The following ST8SIA2 variants were observed in gnomAD, a reference collection of about 807,000 sequenced individuals.
ST8SIA2 encodes alpha-2,8-sialyltransferase 8B.
A neutral mutation model predicts 37.6 loss-of-function variants in ST8SIA2; 22 were observed. That is an observed-to-expected ratio of 0.58 (90% CI 0.42 to 0.83). The LOEUF is 0.83. Ranked by LOEUF, ST8SIA2 falls within the 40% of genes least tolerant of loss-of-function variation. ST8SIA2 has a pLI of 0.00. For synonymous variants in ST8SIA2, 205 were observed against 201.2 expected (o/e 1.02, Z -0.16); for missense variants, 382 against 484.7 (o/e 0.79, Z 1.99).
At chr15:92,445,228 A>C in intron 5 of ST8SIA2, 4 of 499,240 alleles carry the variant, frequency 8.0e-6, no homozygotes, top group Non-Finnish European at 1.5e-5. Context: ...GACGCCATGA[A>C]CATGGGAGGA....
intron 1 of ST8SIA2, among the ~76,000 whole-genome samples, chr15:92,402,800 C>G (rs1203696910): frequency 6.6e-6 from 1 of 152,138 alleles, no homozygotes; most frequent in Non-Finnish European, 1.5e-5. Flanking sequence ...CGCACGGAGT[C>G]TCATCAGAAT....
intron 4 of ST8SIA2, among the ~76,000 whole-genome samples, chr15:92,439,845 A>G (rs1013315324): frequency 6.6e-6 from 1 of 151,886 alleles, no homozygotes; most frequent in Non-Finnish European, 1.5e-5. Context: ...CTTGGAAGCC[A>G]GAGAAGGAGT....
At chr15:92,426,603 T>C (rs950696181) in intron 1 of ST8SIA2, among the ~76,000 whole-genome samples, 3 of 152,182 alleles carry the variant, frequency 2.0e-5, no homozygotes, top group East Asian at 1.9e-4. Flanking sequence ...AGGCATTTGG[T>C]CTCCTCCAAG....
intron 1 of ST8SIA2, among the ~76,000 whole-genome samples, chr15:92,397,795 T>C (rs540473430): frequency 1.3e-5 from 2 of 152,274 alleles, no homozygotes; most frequent in East Asian, 3.9e-4. Context: ...TTTTCCTGAG[T>C]CTGGCACAGT....
At chr15:92,459,113 T>G (rs2049940264) in intron 5 of ST8SIA2, among the ~76,000 whole-genome samples, 1 of 152,196 alleles carries the variant, frequency 6.6e-6, no homozygotes, top group Non-Finnish European at 1.5e-5. Context: ...CATCGCTGAT[T>G]CGATTCCTCT....
At chr15:92,450,809 C>A (rs891886207) in intron 5 of ST8SIA2, among the ~76,000 whole-genome samples, 1 of 152,208 alleles carries the variant, frequency 6.6e-6, no homozygotes. Context: ...AATGAGATAT[C>A]ACTTCATACC....
At chr15:92,448,873 C>A (rs1205011836) in intron 5 of ST8SIA2, among the ~76,000 whole-genome samples, 2 of 151,844 alleles carry the variant, frequency 1.3e-5, no homozygotes, top group African/African-American at 4.8e-5. Flanking sequence ...CTGCAGTTTG[C>A]AAAATAATCT....
chr15:92,402,366 G>T (rs1454518924), intron 1 of ST8SIA2, among the ~76,000 whole-genome samples: 1 of 152,178 alleles, frequency 6.6e-6, no homozygotes, highest in Non-Finnish European at 1.5e-5. Context: ...AGTCTGAGGA[G>T]GTCTATGTTA....
intron 2 of ST8SIA2, among the ~76,000 whole-genome samples, chr15:92,433,212 G>A (rs1390562129): frequency 6.6e-6 from 1 of 152,096 alleles, no homozygotes; most frequent in African/African-American, 2.4e-5. Context: ...TAACTTGGCT[G>A]TTTCAAGATA....
chr15:92,446,930 C>T (rs1466656549), intron 5 of ST8SIA2, among the ~76,000 whole-genome samples: 1 of 152,054 alleles, frequency 6.6e-6, no homozygotes, highest in Non-Finnish European at 1.5e-5. Context: ...TGCCAGAATG[C>T]ACATATGTTT....
intron 4 of ST8SIA2, among the ~76,000 whole-genome samples, chr15:92,438,846 G>A (rs12441748): frequency 0.32 from 47,948 of 152,106 alleles, 9,134 homozygotes; most frequent in East Asian, 0.65. Flanking sequence ...GCAGGGGTGC[G>A]GGCAACCCAG....
At chr15:92,404,867 C>G (rs1415565840) in intron 1 of ST8SIA2, among the ~76,000 whole-genome samples, 3 of 151,170 alleles carry the variant, frequency 2.0e-5, no homozygotes, top group Non-Finnish European at 4.4e-5. Context: ...AACAGGGACT[C>G]AAACAGATAT....
chr15:92,453,412 G>C, intron 5 of ST8SIA2, among the ~76,000 whole-genome samples: 1 of 152,176 alleles, frequency 6.6e-6, no homozygotes, highest in East Asian at 1.9e-4. Flanking sequence ...CTCAGAATTA[G>C]AACCAACTCA....
intron 4 of ST8SIA2, among the ~76,000 whole-genome samples, chr15:92,441,218 A>C (rs1330135292): frequency 6.6e-6 from 1 of 152,188 alleles, no homozygotes; most frequent in Non-Finnish European, 1.5e-5. Flanking sequence ...TCCTGGTGGG[A>C]CACATGGCAC....
At chr15:92,426,321 T>G (rs1183976874) in intron 1 of ST8SIA2, among the ~76,000 whole-genome samples, 1 of 151,854 alleles carries the variant, frequency 6.6e-6, no homozygotes, top group East Asian at 1.9e-4. Flanking sequence ...GGGGTTTGCA[T>G]GGAAAGATGA....
intron 1 of ST8SIA2, chr15:92,420,775 T>G (rs2049627498): frequency 6.6e-6 from 1 of 152,216 alleles, no homozygotes; most frequent in Non-Finnish European, 1.5e-5. Context: ...AGATGGCAAC[T>G]GTCATGGAAA....
chr15:92,444,669 G>A lies in ST8SIA2; in HGVS notation c.582G>A (p.Arg194=). The change falls in exon 5 of 6, where the codon CGG becomes CGA. Residue 194 remains arginine, a synonymous_variant. Transcript: ENST00000268164. ...CNLAPVQEYA[R]DVGLKTDLVT... is the part of the protein sequence containing the mutation. ...TGGCCCCAGTACAGGAGTATGCCCG[G>A]GATGTGGGGCTCAAGACAGACCTGG... 2 of 1,614,222 alleles carry A rather than the reference G, an allele frequency of 1.2e-6. No homozygotes were observed. Among genetic ancestry groups the A allele is most frequent in the Non-Finnish European group, 1.7e-6 (2 of 1,180,030 alleles).
rs560234688 is a variant in ST8SIA2, at chr15:92,456,404, C to T, written c.843-7696C>T. Reference sequence around the variant, plus strand: ...TGCTCTATTAAAGATTTGTGAGGTGCCCACTTTATATATGTGCCATGCTAG... The same window carrying T: ...TGCTCTATTAAAGATTTGTGAGGTGTCCACTTTATATATGTGCCATGCTAG... On this transcript the variant is annotated intron_variant, in intron 5 of 5. Transcript: ENST00000268164. 4.2e-4 allele frequency among the ~76,000 whole-genome samples: 64 copies of T among 152,290 alleles called. 1 individual carries two copies. The highest frequency in any genetic ancestry group is 4.2e-3 in the Admixed American group (64 of 15,304).
At chr15:92,444,984 G>A (rs1234424543) in intron 5 of ST8SIA2, 55 bp downstream of exon 5, 1 of 1,597,972 alleles carries the variant, frequency 6.3e-7, no homozygotes, top group Non-Finnish European at 8.5e-7. Context: ...GGAGATTCTT[G>A]GTAGGCAGTA....
Sources: allele counts gnomAD v4.1 joint callset (sites outside exome capture counted in the v4.1 genomes callset), GRCh38; gene constraint gnomAD v4.1.1; transcripts MANE v1.5; gene names NCBI Gene and HGNC (gene_info 2026-07-23, HGNC 2026-07-21).